Variants in CHST9 observed in about 807,000 individuals in gnomAD.
CHST9 encodes the protein carbohydrate sulfotransferase 9, also known as GalNAc-4-sulfotransferase 2.
CHST9 carries 41 observed loss-of-function variants against 44.4 expected under a neutral mutation model. The observed-to-expected ratio is 0.92, with a 90% CI of 0.72 to 1.20. The LOEUF (loss-of-function observed/expected upper bound fraction) is 1.20, where lower values mean the gene tolerates loss of function less well. CHST9 is among the 50% of genes most tolerant of loss of function. The probability of loss-of-function intolerance (pLI) is 0.00; values close to 1 mark genes in which losing one functional copy is unlikely to be tolerated. For missense variants in CHST9, 504 were observed against 516.5 expected (o/e 0.98, Z 0.23); for synonymous variants, 171 against 178.4 (o/e 0.96, Z 0.33).
At chr18:27,032,074 G>A (rs781097738) in intron 3 of CHST9, among the ~76,000 whole-genome samples, 10 of 151,748 alleles carry the variant, frequency 6.6e-5, no homozygotes, top group African/African-American at 9.7e-5. Context: ...CTTGGTGGTC[G>A]GGCCATAGAG....
At chr18:27,101,286 T>C (rs2058168503) in intron 2 of CHST9, among the ~76,000 whole-genome samples, 1 of 152,144 alleles carries the variant, frequency 6.6e-6, no homozygotes, top group Admixed American at 6.5e-5. Context: ...AACACTTTCT[T>C]TTTACATAGT....
At chr18:27,136,777 TA>T (rs1423441425) in intron 2 of CHST9, among the ~76,000 whole-genome samples, 1 of 152,202 alleles carries the variant, frequency 6.6e-6, no homozygotes, top group Non-Finnish European at 1.5e-5. Context: ...GTAAAATTGT[TA>T]TAAATAAATA....
intron 4 of CHST9, among the ~76,000 whole-genome samples, chr18:26,993,037 A>G (rs1480691953): frequency 1.3e-5 from 2 of 152,194 alleles, no homozygotes; most frequent in African/African-American, 4.8e-5. Context: ...ACTCATTAAG[A>G]ACATTTGTCT....
At chr18:27,089,857 C>A (rs986012206) in intron 2 of CHST9, among the ~76,000 whole-genome samples, 2 of 142,252 alleles carry the variant, frequency 1.4e-5, no homozygotes, top group African/African-American at 5.3e-5. Flanking sequence ...GCCGCTCAGG[C>A]TGGAGTGCAG....
At chr18:27,182,996 T>C (rs1005940597) in intron 1 of CHST9, among the ~76,000 whole-genome samples, 1 of 152,156 alleles carries the variant, frequency 6.6e-6, no homozygotes, top group Non-Finnish European at 1.5e-5. Context: ...CACAGGGCTT[T>C]TTAATGCACT....
At chr18:26,927,609 A>C (rs2055794357) in intron 5 of CHST9, among the ~76,000 whole-genome samples, 1 of 152,172 alleles carries the variant, frequency 6.6e-6, no homozygotes, top group African/African-American at 2.4e-5. Context: ...ATCTCAATGC[A>C]TTAAAGAGCA....
chr18:27,029,532 G>T (rs2057318746), intron 3 of CHST9, among the ~76,000 whole-genome samples: 1 of 152,060 alleles, frequency 6.6e-6, no homozygotes, highest in Non-Finnish European at 1.5e-5. Flanking sequence ...TTGTCTCTTG[G>T]TATCTGTGGC....
intron 1 of CHST9, among the ~76,000 whole-genome samples, chr18:27,166,292 A>G (rs2058789658): frequency 6.6e-6 from 1 of 152,160 alleles, no homozygotes. Flanking sequence ...TCTTATGATC[A>G]CAAACAGGGC....
intron 2 of CHST9, among the ~76,000 whole-genome samples, chr18:27,057,260 G>A (rs2057667209): frequency 6.6e-6 from 1 of 152,208 alleles, no homozygotes; most frequent in Non-Finnish European, 1.5e-5. Context: ...ACAGGGATGT[G>A]AAAGGATTTT....
intron 1 of CHST9, among the ~76,000 whole-genome samples, chr18:27,171,037 G>A (rs1005223360): frequency 6.6e-6 from 1 of 152,204 alleles, no homozygotes; most frequent in African/African-American, 2.4e-5. Flanking sequence ...TGAGGGTACT[G>A]TGGGAGAAAA....
intron 5 of CHST9, chr18:26,924,558 G>C: frequency 2.2e-6 from 2 of 909,978 alleles, no homozygotes; most frequent in Non-Finnish European, 2.6e-6. Context: ...TGTATCTTTT[G>C]TGATTTACCT....
chr18:27,003,377 A>G (rs981860298), intron 4 of CHST9, among the ~76,000 whole-genome samples: 2 of 152,214 alleles, frequency 1.3e-5, no homozygotes, highest in Non-Finnish European at 2.9e-5. Flanking sequence ...ATGGGAGGTT[A>G]GCCCAAAGCT....
chr18:26,939,850 G>A (rs151198110), intron 5 of CHST9, among the ~76,000 whole-genome samples: 1 of 152,132 alleles, frequency 6.6e-6, no homozygotes, highest in Admixed American at 6.5e-5. Context: ...GAAGGAAAAG[G>A]TTCTCCTACC....
At chr18:27,098,206 A>G (rs866206229) in intron 2 of CHST9, among the ~76,000 whole-genome samples, 1 of 152,164 alleles carries the variant, frequency 6.6e-6, no homozygotes, top group Non-Finnish European at 1.5e-5. Flanking sequence ...ATTAAAAAAA[A>G]AAGCTCAACA....
chr18:27,149,652 T>C (rs1313720922), intron 1 of CHST9, among the ~76,000 whole-genome samples: 2 of 151,944 alleles, frequency 1.3e-5, no homozygotes, highest in Non-Finnish European at 2.9e-5. Flanking sequence ...TTACTAAATG[T>C]TGAGGCCTTT....
intron 3 of CHST9, among the ~76,000 whole-genome samples, chr18:27,036,314 G>A (rs1405945678): frequency 6.6e-6 from 1 of 152,084 alleles, no homozygotes; most frequent in Non-Finnish European, 1.5e-5. Context: ...AAGAAAGAAG[G>A]ATGGACAATT....
intron 2 of CHST9, among the ~76,000 whole-genome samples, chr18:27,084,709 C>T (rs1164552188): frequency 6.6e-6 from 1 of 151,684 alleles, no homozygotes; most frequent in African/African-American, 2.4e-5. Flanking sequence ...TTGATTTGCT[C>T]TTGTTTTTGT....
intron 4 of CHST9, among the ~76,000 whole-genome samples, chr18:26,982,153 C>T (rs748116640): frequency 1.3e-5 from 2 of 152,172 alleles, no homozygotes; most frequent in Admixed American, 6.5e-5. Context: ...AATTCTGAGT[C>T]CCTCAACACT....
chr18:27,149,512 A>G (rs1226607192), intron 1 of CHST9, among the ~76,000 whole-genome samples: 4 of 151,628 alleles, frequency 2.6e-5, no homozygotes, highest in African/African-American at 4.8e-5. Context: ...AAACATGTGC[A>G]TGTGTCTTTA....
Sources: allele counts gnomAD v4.1 joint callset (sites outside exome capture counted in the v4.1 genomes callset), GRCh38; gene constraint gnomAD v4.1.1; transcripts MANE v1.5; gene names NCBI Gene and HGNC (gene_info 2026-07-23, HGNC 2026-07-21).